Variants in CDKL2 observed in about 807,000 individuals in gnomAD.
The protein encoded by CDKL2 is cyclin-dependent kinase-like 2.
CDKL2 carries 64 observed loss-of-function variants against 63.9 expected under a neutral mutation model. The ratio of observed to expected loss-of-function variants is 1.00; its 90% CI spans 0.82 to 1.23. The LOEUF (loss-of-function observed/expected upper bound fraction) is 1.23. Among genes scored for constraint, CDKL2 ranks in the 50% most tolerant of loss-of-function variants. The pLI is 0.00. For synonymous variants in CDKL2, 211 were observed against 229.2 expected, an observed-to-expected ratio of 0.92 and a Z score of 0.72; for missense variants, 656 against 668.0, an observed-to-expected ratio of 0.98 and a Z score of 0.20.
Position 75,617,519 on chromosome 4 carries a change from C to A in CDKL2, c.169-3070G>T, listed in dbSNP as rs1049628700. On this transcript the variant is annotated intron_variant, in intron 2 of 13. Transcript: ENST00000307465. The stretch of plus-strand genomic sequence containing the variant: ...CACCTTCTCAAAAAAACCAAAAAAA[C>A]TAAACAAACCAACAAAAATGCCCCA... Among the ~76,000 whole-genome samples the A allele has an allele frequency of 2.0e-5, 3 of 151,732 alleles. No individual in the cohort carries two copies. The East Asian group carries it at 5.8e-4, about 29-fold the overall frequency.
At chr4:75,597,642 C>T (rs956485127) in intron 8 of CDKL2, among the ~76,000 whole-genome samples, 1 of 152,204 alleles carries the variant, frequency 6.6e-6, no homozygotes, top group African/African-American at 2.4e-5. Context: ...TTATCAAGAA[C>T]AGATCCTGGG....
chr4:75,614,455 A>G lies in CDKL2; in HGVS notation c.169-6T>C, dbSNP rs1578346042. The G allele has an allele frequency of 6.5e-7, 1 of 1,535,354 alleles. No individual in the cohort carries two copies. The highest frequency in any genetic ancestry group is 8.8e-7 in the Non-Finnish European group (1 of 1,138,326). On this transcript the variant is annotated splice_polypyrimidine_tract_variant and splice_region_variant and intron_variant, in intron 2 of 13. Transcript: ENST00000307465. ...AAGTTTTCATGCCTAAGTTGCTGTT[A>G]TTAAAAAATGCAAAATAGCTGTTAT... is the stretch of plus-strand genomic sequence containing the variant.
intron 12 of CDKL2, among the ~76,000 whole-genome samples, chr4:75,587,830 G>C (rs1377592568): frequency 6.6e-6 from 1 of 151,568 alleles, no homozygotes; most frequent in East Asian, 1.9e-4. Flanking sequence ...CATGAACCTG[G>C]GAGGCAGAGC....
intron 9 of CDKL2, 102 bp from the exon 10 acceptor site, chr4:75,596,442 C>A: frequency 1.4e-6 from 1 of 708,662 alleles, no homozygotes; most frequent in South Asian, 1.6e-5. Flanking sequence ...GCAGTTTAAC[C>A]AGAGTGTAAT....
intron 12 of CDKL2, among the ~76,000 whole-genome samples, chr4:75,591,504 G>A (rs780339530): frequency 2.0e-5 from 3 of 152,256 alleles, no homozygotes; most frequent in Admixed American, 2.0e-4. Context: ...GGCTGAGGTA[G>A]TTGGATTGCT....
chr4:75,607,385 G>C, intron 3 of CDKL2, 24 bp from the exon 4 acceptor site: 1 of 1,579,940 alleles, frequency 6.3e-7, no homozygotes. Flanking sequence ...AGAGTGTGAC[G>C]GATGTTAAAT....
At chr4:75,609,697 A>C (rs1578340772) in intron 3 of CDKL2, among the ~76,000 whole-genome samples, 1 of 148,974 alleles carries the variant, frequency 6.7e-6, no homozygotes, top group Admixed American at 6.7e-5. Context: ...ACAGCTAGGC[A>C]AAAGACATTA....
chr4:75,619,649 G>A (rs1311534896), intron 2 of CDKL2, among the ~76,000 whole-genome samples: 3 of 144,952 alleles, frequency 2.1e-5, no homozygotes, highest in Non-Finnish European at 3.0e-5. Flanking sequence ...GCTAAGGACC[G>A]ACAATGTCTT....
At chr4:75,610,202 C>CA (rs11298860) in intron 3 of CDKL2, among the ~76,000 whole-genome samples, 21,944 of 144,684 alleles carry the variant, frequency 0.15, 1,745 homozygotes, top group South Asian at 0.35. Context: ...GCCTCCATCT[C>CA]AAAAAAAAAA....
At chr4:75,626,606 G>A (rs1228013753) in intron 1 of CDKL2, among the ~76,000 whole-genome samples, 3 of 150,312 alleles carry the variant, frequency 2.0e-5, no homozygotes, top group Non-Finnish European at 3.0e-5. Context: ...GGCGGAGCTT[G>A]CAGTGAGCCA....
intron 12 of CDKL2, among the ~76,000 whole-genome samples, chr4:75,586,561 G>C (rs935032009): frequency 1.3e-5 from 2 of 151,922 alleles, no homozygotes; most frequent in African/African-American, 4.8e-5. Flanking sequence ...ACATGACAAA[G>C]ATATCTTTTT....
chr4:75,603,155 G>A (rs9993817), intron 6 of CDKL2, among the ~76,000 whole-genome samples: 4 of 149,064 alleles, frequency 2.7e-5, no homozygotes, highest in African/African-American at 4.9e-5. Flanking sequence ...GCCCGCCACC[G>A]CGCCCGGCTA....
At chr4:75,625,535 C>T (rs936852144) in intron 2 of CDKL2, among the ~76,000 whole-genome samples, 2 of 151,986 alleles carry the variant, frequency 1.3e-5, no homozygotes, top group African/African-American at 4.8e-5. Context: ...CAAAATAAAC[C>T]CATACAAATA....
In CDKL2 at chr4:75,630,052, A is replaced by G. The variant is rs1730611445; in HGVS notation, c.-40T>C. The G allele has an allele frequency of 6.6e-6, 1 of 152,314 alleles. No homozygotes were observed. The highest frequency in any genetic ancestry group is 2.4e-5 in the African/African-American group (1 of 41,428). 9.4% of individuals were successfully genotyped at this position (152,314 alleles called of 1,614,324 possible). On this transcript the variant is annotated 5_prime_UTR_variant, in exon 1 of 14. Transcript: ENST00000307465. ...ACGTACTATACTTACCGTTTCTTCA[A>G]TCCGTTCGCATAGAAAGACCCAAAG...
intron 7 of CDKL2, among the ~76,000 whole-genome samples, chr4:75,599,562 A>AG (rs1293104066): frequency 6.6e-6 from 1 of 151,024 alleles, no homozygotes; most frequent in Non-Finnish European, 1.5e-5. Flanking sequence ...AAAAAAAAAA[A>AG]AAAAAAAAGA....
chr4:75,614,317 G>A lies in CDKL2; in HGVS notation c.301C>T (p.Gln101Ter), dbSNP rs1439341690. 4 of 1,611,020 alleles carry A rather than the reference G, an allele frequency of 2.5e-6. No homozygotes were observed. Among genetic ancestry groups the A allele is most frequent in the African/African-American group, 1.3e-5 (1 of 74,804 alleles). ...LELFPNGLDY[Q>*]VVQKYLFQII... is the part of the protein sequence containing the mutation. ...TGAAACAAATACTTTTGAACTACTT[G>A]GTAGTCTAGTCCATTTGGAAAGAGC... Residue 101 changes from glutamine to a stop codon, truncating the protein, a stop_gained, in exon 3 of 14, where the codon CAA becomes TAA. Transcript: ENST00000307465. LOFTEE classifies it high-confidence loss of function.
intron 3 of CDKL2, among the ~76,000 whole-genome samples, chr4:75,607,835 C>T (rs1729490229): frequency 1.3e-5 from 2 of 152,000 alleles, no homozygotes; most frequent in South Asian, 2.1e-4. Flanking sequence ...TTTTTTGAGA[C>T]GGAGTCTCGC....
At chr4:75,594,372 T>G (rs1175248269) in intron 10 of CDKL2, among the ~76,000 whole-genome samples, 1 of 151,188 alleles carries the variant, frequency 6.6e-6, no homozygotes, top group Non-Finnish European at 1.5e-5. Context: ...CGCTCAAATC[T>G]GGGAGGCGGA....
chr4:75,607,970 G>A (rs570631017), intron 3 of CDKL2, among the ~76,000 whole-genome samples: 1 of 151,614 alleles, frequency 6.6e-6, no homozygotes, highest in Non-Finnish European at 1.5e-5. Context: ...CTGCCACCAC[G>A]CCCGGCTAAT....
Sources: gnomAD v4.1 joint callset for allele counts (sites outside exome capture counted in the v4.1 genomes callset) on GRCh38, gnomAD v4.1.1 for gene constraint, MANE v1.5 for transcripts, NCBI Gene and HGNC (gene_info 2026-07-23, HGNC 2026-07-21) for gene names.